Variants in CPQ observed in about 807,000 individuals in gnomAD.
CPQ encodes carboxypeptidase Q, also known as Ser-Met dipeptidase.
CPQ carries 37 observed loss-of-function variants against 45.7 expected under a neutral mutation model. The observed-to-expected ratio is 0.81, with a 90% confidence interval of 0.62 to 1.07. The LOEUF is 1.07. CPQ is among the 50% of genes least tolerant of loss of function. CPQ has a pLI of 0.00. For synonymous variants in CPQ, 186 were observed against 205.8 expected, an observed-to-expected ratio of 0.90 and a Z score of 0.82; for missense variants, 537 against 572.9, an observed-to-expected ratio of 0.94 and a Z score of 0.64.
At chr8:96,951,422 G>A (rs563795010) in intron 4 of CPQ, among the ~76,000 whole-genome samples, 13 of 152,116 alleles carry the variant, frequency 8.5e-5, no homozygotes, top group South Asian at 4.2e-4. Context: ...CTTAAAATTC[G>A]CTATCACCAG....
At chr8:96,677,959 T>C (rs1004685812) in intron 1 of CPQ, among the ~76,000 whole-genome samples, 1 of 152,136 alleles carries the variant, frequency 6.6e-6, no homozygotes, top group Admixed American at 6.6e-5. Context: ...TTGTATGCTT[T>C]GTTGCGGATC....
intron 1 of CPQ, among the ~76,000 whole-genome samples, chr8:96,647,000 T>G (rs1815526530): frequency 6.6e-6 from 1 of 152,180 alleles, no homozygotes; most frequent in Admixed American, 6.5e-5. Context: ...CTGACTTTTT[T>G]CCAGTGCAAC....
intron 6 of CPQ, among the ~76,000 whole-genome samples, chr8:97,044,176 T>C (rs1240533376): frequency 6.6e-6 from 1 of 152,148 alleles, no homozygotes; most frequent in African/African-American, 2.4e-5. Context: ...GGAGGCTTTG[T>C]TTGTTTCTTT....
At chr8:97,078,524 T>C (rs1810888462) in intron 7 of CPQ, among the ~76,000 whole-genome samples, 1 of 152,154 alleles carries the variant, frequency 6.6e-6, no homozygotes, top group Admixed American at 6.6e-5. Flanking sequence ...CTGCATTTTC[T>C]TTTTCCCCTG....
chr8:97,013,797 G>T (rs1809532152), intron 5 of CPQ, among the ~76,000 whole-genome samples: 1 of 152,184 alleles, frequency 6.6e-6, no homozygotes, highest in African/African-American at 2.4e-5. Context: ...AAAGAGGATG[G>T]TCTATCCCAT....
At chr8:96,718,246 G>A (rs6986955) in intron 1 of CPQ, among the ~76,000 whole-genome samples, 3,648 of 152,264 alleles carry the variant, frequency 0.024, 161 homozygotes, top group African/African-American at 0.083. Flanking sequence ...TCCGGAATTG[G>A]TGGGTTCTTG....
chr8:96,972,323 C>T (rs1813693198), intron 5 of CPQ, among the ~76,000 whole-genome samples: 1 of 152,170 alleles, frequency 6.6e-6, no homozygotes, highest in South Asian at 2.1e-4. Context: ...CTGGGATCCA[C>T]ACCCTCATAG....
intron 4 of CPQ, among the ~76,000 whole-genome samples, chr8:96,920,010 A>C (rs1447631125): frequency 6.6e-6 from 1 of 152,186 alleles, no homozygotes; most frequent in Non-Finnish European, 1.5e-5. Context: ...TAGCAATACA[A>C]ACATTATTGG....
chr8:97,127,395 G>T (rs1023739988), intron 7 of CPQ, among the ~76,000 whole-genome samples: 26 of 152,132 alleles, frequency 1.7e-4, no homozygotes, highest in African/African-American at 5.8e-4. Context: ...GAGATCATTA[G>T]TCATCATTGA....
chr8:96,753,533 C>T (rs944777230), intron 1 of CPQ, among the ~76,000 whole-genome samples: 1 of 139,354 alleles, frequency 7.2e-6, no homozygotes, highest in Non-Finnish European at 1.7e-5. Flanking sequence ...TTGCATCCCT[C>T]AAGGTTTTAC....
intron 2 of CPQ, 107 bp from the exon 3 acceptor site, chr8:96,834,866 C>A: frequency 1.1e-6 from 1 of 924,836 alleles, no homozygotes; most frequent in Non-Finnish European, 1.6e-6. Flanking sequence ...CTTCTTATAC[C>A]AGTTTGCCAG....
intron 5 of CPQ, among the ~76,000 whole-genome samples, chr8:97,019,652 G>A (rs1477109867): frequency 2.0e-5 from 3 of 152,102 alleles, no homozygotes; most frequent in Admixed American, 1.3e-4. Context: ...ATGATAAAAG[G>A]CCTTGTCCAA....
intron 1 of CPQ, among the ~76,000 whole-genome samples, chr8:96,757,074 G>C (rs557131713): frequency 1.2e-3 from 190 of 152,172 alleles, no homozygotes; most frequent in African/African-American, 4.3e-3. Flanking sequence ...TTCCAGCTGA[G>C]CGTGGTGACT....
intron 2 of CPQ, among the ~76,000 whole-genome samples, chr8:96,798,286 C>T (rs933031086): frequency 2.6e-5 from 4 of 151,786 alleles, no homozygotes; most frequent in Admixed American, 2.6e-4. Context: ...CATGCCACCA[C>T]ACCTGGCTAA....
At chr8:96,665,488 G>C (rs550842832) in intron 1 of CPQ, among the ~76,000 whole-genome samples, 1 of 152,312 alleles carries the variant, frequency 6.6e-6, no homozygotes, top group African/African-American at 2.4e-5. Flanking sequence ...GACAATTATG[G>C]TTTCCTTAAC....
intron 5 of CPQ, among the ~76,000 whole-genome samples, chr8:96,982,670 A>G (rs1439756488): frequency 6.6e-6 from 1 of 152,172 alleles, no homozygotes; most frequent in Non-Finnish European, 1.5e-5. Context: ...AATTGATGTG[A>G]AGATGGTAGT....
intron 1 of CPQ, among the ~76,000 whole-genome samples, chr8:96,707,023 T>TCTGGGCC (rs1809538948): frequency 6.6e-6 from 1 of 152,164 alleles, no homozygotes; most frequent in Non-Finnish European, 1.5e-5. Context: ...TTTATTTGAT[T>TCTGGGCC]TAGTTATATC....
intron 1 of CPQ, among the ~76,000 whole-genome samples, chr8:96,694,453 C>T (rs1809344769): frequency 1.3e-5 from 2 of 152,118 alleles, no homozygotes; most frequent in South Asian, 4.1e-4. Flanking sequence ...AACATTTTAT[C>T]CAATGGCTGG....
At chr8:97,123,213 AAAT>A (rs1282355805) in intron 7 of CPQ, among the ~76,000 whole-genome samples, 3 of 141,648 alleles carry the variant, frequency 2.1e-5, no homozygotes, top group Admixed American at 1.4e-4. Context: ...ATAAAAAATA[AAAT>A]AAAATAAAAT....
Sources: gnomAD v4.1 joint callset for allele counts (sites outside exome capture counted in the v4.1 genomes callset) on GRCh38, gnomAD v4.1.1 for gene constraint, MANE v1.5 for transcripts, NCBI Gene and HGNC (gene_info 2026-07-23, HGNC 2026-07-21) for gene names.